TTC17: variants seen among roughly 807,000 people sequenced by gnomAD.
TTC17 encodes the protein tetratricopeptide repeat domain 17, also known as tetratricopeptide repeat protein 17.
Under a neutral mutation model 143.8 loss-of-function variants are expected in TTC17, and 58 were observed. The ratio of observed to expected loss-of-function variants is 0.40; its 90% confidence interval spans 0.33 to 0.50. The LOEUF is 0.50. TTC17 is among the 20% of genes least tolerant of loss of function. TTC17 has a pLI of 0.49. For missense variants in TTC17, 1,273 were observed against 1,392.5 expected (o/e 0.91, Z 1.37); for synonymous variants, 501 against 497.8 (o/e 1.01, Z -0.09).
intron 16 of TTC17, among the ~76,000 whole-genome samples, chr11:43,439,199 A>C (rs1006813): frequency 0.059 from 8,937 of 152,236 alleles, 289 homozygotes; most frequent in African/African-American, 0.094. Context: ...AATTTTTCAA[A>C]ATCTTTTCAA....
chr11:43,436,018 C>T, intron 16 of TTC17: 1 of 595,366 alleles, frequency 1.7e-6, no homozygotes, highest in Non-Finnish European at 2.4e-6. Flanking sequence ...GCTTTGGGTG[C>T]TGCAGCTCAC....
chr11:43,370,211 T>C (rs566171939), intron 1 of TTC17: 149 of 386,044 alleles, frequency 3.9e-4, no homozygotes, highest in African/African-American at 3.0e-3. Flanking sequence ...GAAGAGATAA[T>C]TCCATGAGAA....
Position 43,430,709 on chromosome 11 carries a change from G to GCGCA in TTC17, c.2252-12615_2252-12614insGCAC, listed in dbSNP as rs1554994150. Among the ~76,000 whole-genome samples the GCGCA allele has an allele frequency of 8.2e-3, 1,133 of 138,540 alleles. 20 individuals are homozygous for GCGCA. The highest frequency in any genetic ancestry group is 0.028 in the African/African-American group (1,032 of 36,616). The allele number at this position is 138,540 out of a possible 152,430, so 90.9% of individuals were successfully genotyped here. On this transcript the variant is annotated intron_variant, in intron 16 of 23. Transcript: ENST00000039989. ...TGCCCCCAGCATCCCCTACATACAC[G>GCGCA]CACACACACACACACACACACACAC...
intron 15 of TTC17, among the ~76,000 whole-genome samples, chr11:43,414,293 G>A (rs917361435): frequency 6.6e-6 from 1 of 152,108 alleles, no homozygotes; most frequent in African/African-American, 2.4e-5. Flanking sequence ...ATTGCCCAAG[G>A]GAACCTCCTG....
chr11:43,434,165 G>A (rs867148650), intron 16 of TTC17, among the ~76,000 whole-genome samples: 2 of 133,984 alleles, frequency 1.5e-5, no homozygotes, highest in Non-Finnish European at 3.1e-5. Context: ...CTCCATGGGC[G>A]GGGACACACA....
intron 1 of TTC17, among the ~76,000 whole-genome samples, chr11:43,377,241 C>T (rs1304002481): frequency 1.3e-5 from 2 of 151,774 alleles, no homozygotes; most frequent in African/African-American, 4.8e-5. Context: ...TGCAGTGAGT[C>T]GAGATCACAC....
chr11:43,474,662 T>G (rs1318044146), intron 21 of TTC17, among the ~76,000 whole-genome samples: 2 of 152,152 alleles, frequency 1.3e-5, no homozygotes, highest in African/African-American at 2.4e-5. Flanking sequence ...TTGAACAGCA[T>G]GGAAGTTAGG....
At chr11:43,443,681 T>G in intron 17 of TTC17, 97 bp downstream of exon 17, 6 of 1,432,208 alleles carry the variant, frequency 4.2e-6, no homozygotes, top group South Asian at 1.4e-5. Context: ...TATGTGGCAC[T>G]ACTTGGCTAT....
intron 16 of TTC17, among the ~76,000 whole-genome samples, chr11:43,417,552 T>C (rs1388043795): frequency 2.0e-5 from 3 of 152,182 alleles, no homozygotes; most frequent in African/African-American, 7.2e-5. Flanking sequence ...ATGATAATTG[T>C]TGGCCAGGCA....
chr11:43,446,201 T>C, intron 18 of TTC17: 2 of 1,286,138 alleles, frequency 1.6e-6, no homozygotes, highest in Non-Finnish European at 2.0e-6. Context: ...TGCTATTCCC[T>C]CTGCCTGGAA....
intron 16 of TTC17, 26 bp downstream of exon 16, chr11:43,414,802 A>C: frequency 6.2e-7 from 1 of 1,603,000 alleles, no homozygotes; most frequent in East Asian, 2.2e-5. Flanking sequence ...ATGCTGACAA[A>C]CTAATGAGCT....
Position 43,448,036 on chromosome 11 carries a change from C to A in TTC17, c.2700C>A (p.Pro900=). The part of the protein sequence containing the change: ...KKRDYQRLGW[P]SPDECLKLRW... ...GTGACTACCAGCGTCTGGGATGGCCCAGCCCGGACGAATGCCTCAAACTCC... is the reference window on the plus strand; with the variant it reads ...GTGACTACCAGCGTCTGGGATGGCCAAGCCCGGACGAATGCCTCAAACTCC... Residue 900 remains proline (P), a synonymous_variant, in exon 19 of 24, where the codon CCC becomes CCA. Coordinates refer to ENST00000039989, the MANE Select transcript of TTC17 (RefSeq NM_018259.6). The A allele has an allele frequency of 6.2e-7, 1 of 1,614,112 alleles. No individual in the cohort carries two copies. The highest frequency in any genetic ancestry group is 8.5e-7 in the Non-Finnish European group (1 of 1,179,982).
rs192735995 is a variant in TTC17 at position 43,409,576 on chromosome 11, C to T, written c.2064+1999C>T. Among the ~76,000 whole-genome samples, 29 of 152,230 alleles carry T rather than the reference C, an allele frequency of 1.9e-4. No individual in the cohort carries two copies. The East Asian group carries it at 3.5e-3, about 18-fold the overall frequency. ...TAACTAATTTAATCCTCATAACAAC[C>T]CTGTGAGATGGAATTTCCCCTTTGA... On this transcript the variant is annotated intron_variant, in intron 15 of 23. Coordinates refer to ENST00000039989, the MANE Select transcript of TTC17 (RefSeq NM_018259.6).
At chr11:43,430,709 G>GCACACACACACACACACACACACA (rs10658685) in intron 16 of TTC17, among the ~76,000 whole-genome samples, 1 of 138,446 alleles carries the variant, frequency 7.2e-6, no homozygotes, top group Non-Finnish European at 1.5e-5. Context: ...CTACATACAC[G>GCACACACACACACACACACACACA]CACACACACA....
intron 21 of TTC17, among the ~76,000 whole-genome samples, chr11:43,460,984 T>C (rs900273600): frequency 2.6e-5 from 4 of 152,230 alleles, no homozygotes; most frequent in Non-Finnish European, 5.9e-5. Context: ...AGGGAAAATA[T>C]CCTCTACCTG....
At chr11:43,448,321 G>A (rs368487907) in intron 19 of TTC17, among the ~76,000 whole-genome samples, 199 bp downstream of exon 19, 14 of 152,068 alleles carry the variant, frequency 9.2e-5, no homozygotes, top group African/African-American at 3.1e-4. Context: ...CCCCTTCCCG[G>A]TGCCTTCACC....
rs772076245 is a variant in TTC17 at position 43,407,341 on chromosome 11, T to C, written c.1840-12T>C. The C allele has an allele frequency of 6.2e-7, 1 of 1,611,092 alleles. No individual in the cohort carries two copies. The highest frequency in any genetic ancestry group is 1.1e-5 in the South Asian group (1 of 90,932). On this transcript the variant is annotated splice_polypyrimidine_tract_variant and intron_variant, in intron 14 of 23. Transcript: ENST00000039989. ...ATTCTTGTACTAACTGAAGTATTTT[T>C]GGATTTTTCAGCCAAATGCTCCTAT...
Position 43,424,695 on chromosome 11 carries a change from G to A in TTC17, c.2251+9919G>A, listed in dbSNP as rs571248413. ...TGAGGCAGGAGAATTGCTTGAACCC[G>A]GGAGGTGGAGGTTGCAGTGAGCTGA... On this transcript the variant is annotated intron_variant, in intron 16 of 23. Transcript: ENST00000039989. 8.0e-4 allele frequency among the ~76,000 whole-genome samples: 121 copies of A among 152,176 alleles called. 1 individual carries two copies. The highest frequency in any genetic ancestry group is 1.3e-3 in the Admixed American group (20 of 15,306).
chr11:43,368,888 C>T (rs1024515532), intron 1 of TTC17, among the ~76,000 whole-genome samples: 3 of 152,210 alleles, frequency 2.0e-5, no homozygotes, highest in African/African-American at 7.2e-5. Flanking sequence ...GTGTGGTGTG[C>T]TCTGCCTCAG....
Sources: gnomAD v4.1 joint callset for allele counts (sites outside exome capture counted in the v4.1 genomes callset) on GRCh38, gnomAD v4.1.1 for gene constraint, MANE v1.5 for transcripts, NCBI Gene and HGNC (gene_info 2026-07-23, HGNC 2026-07-21) for gene names.